Variants in LYSMD4 observed in about 807,000 individuals in gnomAD.
LYSMD4 encodes LysM domain containing 4, also known as lysM and putative peptidoglycan-binding domain-containing protein 4.
LYSMD4 carries 9 observed loss-of-function variants against 6.1 expected under a neutral mutation model. That is an observed-to-expected ratio of 1.47 (90% CI 0.88 to 2.56). LYSMD4 has a LOEUF of 2.56. Among genes scored for constraint, LYSMD4 ranks in the 30% most tolerant of loss-of-function variants. LYSMD4 has a pLI of 0.00. For synonymous variants in LYSMD4, 143 were observed against 148.5 expected, an observed-to-expected ratio of 0.96 and a Z score of 0.27; for missense variants, 384 against 373.5, an observed-to-expected ratio of 1.03 and a Z score of -0.23.
intron 2 of LYSMD4, 170 bp downstream of exon 2, chr15:99,731,548 C>T: frequency 6.5e-7 from 1 of 1,536,676 alleles, no homozygotes; most frequent in Non-Finnish European, 8.7e-7. Flanking sequence ...ACTAAAGGTA[C>T]TCCCACCTGC....
At position 99,731,883 on chromosome 15, in the gene LYSMD4, AG is replaced by A. The variant is rs1389563740; in HGVS notation, c.116del (p.Ser39LeufsTer75). 2 of 1,613,510 alleles carry A rather than the reference AG, an allele frequency of 1.2e-6. No individual in the cohort carries two copies. The highest frequency in any genetic ancestry group is 4.5e-5 in the East Asian group (2 of 44,896). ...AAACCACACGGTGAGACTCTTCTTC[AG>A]AAGAGTCCCCCGAGTCCCCACTGCC... ...KNGSGDSGDS[S>X]EEESHRVVLR... On this transcript the variant is annotated frameshift_variant, in exon 2 of 3. Coordinates refer to ENST00000684762, the MANE Select transcript of LYSMD4 (RefSeq NM_001284417.2). LOFTEE classifies it high-confidence loss of function.
rs1250850706 is a variant in LYSMD4 at position 99,728,922 on chromosome 15, G to A, written c.*201C>T. The stretch of plus-strand genomic sequence containing the variant: ...ACCTCTCTGGATAGGGGCCGAGGTC[G>A]CTGCTGTTTTAGATCCTGCCAGCTT... On this transcript the variant is annotated 3_prime_UTR_variant, in exon 3 of 3. Coordinates refer to ENST00000684762, the MANE Select transcript of LYSMD4 (RefSeq NM_001284417.2). 50 of 685,436 alleles carry A rather than the reference G, an allele frequency of 7.3e-5. No homozygotes were observed. The highest frequency in any genetic ancestry group is 5.4e-4 in the South Asian group (29 of 53,744). The allele number at this position is 685,436 out of a possible 1,614,324, so 42.5% of individuals were successfully genotyped here.
upstream of LYSMD4, among the ~76,000 whole-genome samples, chr15:99,718,354 G>A (rs146781167): frequency 1.2e-3 from 184 of 152,222 alleles, no homozygotes; most frequent in African/African-American, 3.7e-3. Flanking sequence ...TGGTTCAGTG[G>A]TTTTTACAGG....
At chr15:99,726,145 G>GGT (rs1460561936), downstream of LYSMD4, among the ~76,000 whole-genome samples, 2 of 31,412 alleles carry the variant, frequency 6.4e-5, no homozygotes, top group Non-Finnish European at 7.9e-5. Context: ...TGTCTCAAGT[G>GGT]GTTTTTTTTT....
At chr15:99,730,006 C>A (rs2059365702) in intron 2 of LYSMD4, among the ~76,000 whole-genome samples, 1 of 152,204 alleles carries the variant, frequency 6.6e-6, no homozygotes, top group African/African-American at 2.4e-5. Context: ...AAAAACAGAT[C>A]TTTCTTAAAC....
chr15:99,723,562 C>T (rs1334536966), downstream of LYSMD4, among the ~76,000 whole-genome samples: 1 of 152,230 alleles, frequency 6.6e-6, no homozygotes, highest in Non-Finnish European at 1.5e-5. Context: ...CCCAGAAACA[C>T]GACGAAGCCT....
chr15:99,716,855 G>A (rs539617272), exon 1 of LYSMD4: 1 of 356,544 alleles, frequency 2.8e-6, no homozygotes, highest in South Asian at 2.1e-5. Context: ...AGAGGGGGTG[G>A]GTATGTTAGC....
At chr15:99,723,388 AG>A (rs2059252589), downstream of LYSMD4, among the ~76,000 whole-genome samples, 1 of 152,182 alleles carries the variant, frequency 6.6e-6, no homozygotes, top group South Asian at 2.1e-4. Flanking sequence ...TTGTCTGTTG[AG>A]CATCCCTTCA....
At chr15:99,724,028 C>T (rs770648605), downstream of LYSMD4, among the ~76,000 whole-genome samples, 3 of 150,956 alleles carry the variant, frequency 2.0e-5, no homozygotes, top group Admixed American at 6.6e-5. Context: ...ATTCATAGTT[C>T]CCTGTCTACA....
upstream of LYSMD4, among the ~76,000 whole-genome samples, chr15:99,718,754 T>G (rs1489475701): frequency 6.6e-6 from 1 of 152,208 alleles, no homozygotes; most frequent in African/African-American, 2.4e-5. Flanking sequence ...CTTGTGGTGT[T>G]GGGTCAACCA....
chr15:99,717,297 C>T (rs1487261437), exon 1 of LYSMD4: 1 of 152,484 alleles, frequency 6.6e-6, no homozygotes, highest in African/African-American at 2.4e-5. Flanking sequence ...GCTTGGCTCC[C>T]CTGGGTGCCT....
intron 2 of LYSMD4, 64 bp downstream of exon 2, chr15:99,731,654 C>G (rs2059415772): frequency 1.3e-6 from 2 of 1,526,918 alleles, no homozygotes; most frequent in Admixed American, 2.1e-5. Flanking sequence ...GGGCACCCAC[C>G]CTGCAGTGAG....
chr15:99,730,292 T>C (rs181636424), intron 2 of LYSMD4, among the ~76,000 whole-genome samples: 40 of 152,370 alleles, frequency 2.6e-4, no homozygotes, highest in Admixed American at 2.0e-3. Flanking sequence ...CTGTGGGGCA[T>C]GTAAACTTAT....
Position 99,729,374 on chromosome 15 carries a change from A to T in LYSMD4, c.640T>A (p.Cys214Ser), listed in dbSNP as rs748011186. The change falls in exon 3 of 3, where the codon TGT becomes AGT. Residue 214 changes from cysteine to serine, a missense_variant. Cys to Ser is a moderately radical substitution (Grantham distance 112, BLOSUM62 -1). Coordinates refer to ENST00000684762, the MANE Select transcript of LYSMD4 (RefSeq NM_001284417.2). ...ACAGCATTCCACCACTGAATGCCAC[A>T]ATCTGCACCATCCATAGGCGTCTTC... The part of the protein sequence containing the change: ...PPKTPMDGAD[C>S]GIQWWNAVFI... The T allele has an allele frequency of 6.2e-7, 1 of 1,614,240 alleles. No homozygotes were observed. Among genetic ancestry groups the T allele is most frequent in the Admixed American group, 1.7e-5 (1 of 60,034 alleles).
Position 99,729,002 on chromosome 15 carries a change from T to C in LYSMD4, c.*121A>G. The C allele has an allele frequency of 1.5e-6, 2 of 1,365,718 alleles. No homozygotes were observed. Among genetic ancestry groups the C allele is most frequent in the Non-Finnish European group, 2.0e-6 (2 of 991,828 alleles). The allele number at this position is 1,365,718 out of a possible 1,614,324, so 84.6% of individuals were successfully genotyped here. On this transcript the variant is annotated 3_prime_UTR_variant, in exon 3 of 3. Transcript: ENST00000684762. ...TGCAATTGGGAATACTGCAGTGACT[T>C]CTGAAAAGTGTCCATCCTTCCCCGG...
intron 2 of LYSMD4, 166 bp downstream of exon 2, chr15:99,731,552 C>T (rs8033612): frequency 0.12 from 176,360 of 1,532,930 alleles, 10,614 homozygotes; most frequent in Admixed American, 0.18. Flanking sequence ...AAGGTACTCC[C>T]ACCTGCATTC....
At chr15:99,726,040 TTG>T (rs1567547659), downstream of LYSMD4, among the ~76,000 whole-genome samples, 1 of 152,086 alleles carries the variant, frequency 6.6e-6, no homozygotes, top group East Asian at 1.9e-4. Flanking sequence ...GCTTATATGA[TTG>T]TTGTTGCTCC....
At chr15:99,716,492 C>T (rs1429077843) in exon 1 of LYSMD4, 10 of 456,692 alleles carry the variant, frequency 2.2e-5, no homozygotes, top group Middle Eastern at 3.2e-4. Context: ...TCCTGTGCGT[C>T]GAGACTCTGT....
chr15:99,731,980 A>C lies in LYSMD4; in HGVS notation c.20T>G (p.Leu7Ter), dbSNP rs1057259358. The C allele has an allele frequency of 1.3e-6, 2 of 1,583,296 alleles. No homozygotes were observed. Among genetic ancestry groups the C allele is most frequent in the Non-Finnish European group, 1.7e-6 (2 of 1,161,484 alleles). The stretch of plus-strand genomic sequence containing the variant: ...AGCTGGGCCTTGGAAGGTCTTGGTT[A>C]ACAATTCCTCGTGCCTCATTTTCTT... MRHEEL[L>*]TKTFQGPAVV... Residue 7 changes from leucine to a stop codon, truncating the protein, a stop_gained, in exon 2 of 3, where the codon TTA (leucine) becomes TGA (stop). Coordinates refer to ENST00000684762, the MANE Select transcript of LYSMD4 (RefSeq NM_001284417.2). LOFTEE classifies it high-confidence loss of function.
Sources: allele counts gnomAD v4.1 joint callset (sites outside exome capture counted in the v4.1 genomes callset), GRCh38; gene constraint gnomAD v4.1.1; transcripts MANE v1.5; gene names NCBI Gene and HGNC (gene_info 2026-07-23, HGNC 2026-07-21).